The following ZNF536 variants were observed in gnomAD, a reference collection of about 807,000 sequenced individuals.
The protein encoded by ZNF536 is zinc finger protein 536.
A neutral mutation model predicts 84.5 loss-of-function variants in ZNF536; 13 were observed. That is an observed-to-expected ratio of 0.15 (90% CI 0.10 to 0.24). The LOEUF is 0.24. Among genes scored for constraint, ZNF536 ranks in the 10% least tolerant of loss-of-function variants. ZNF536 has a pLI of 1.00. For missense variants in ZNF536, 1,536 were observed against 1,747.5 expected (o/e 0.88, Z 2.16); for synonymous variants, 811 against 742.5 (o/e 1.09, Z -1.50).
chr19:30,661,929 A>T (rs906786656), intron 1 of ZNF536, among the ~76,000 whole-genome samples: 7 of 152,180 alleles, frequency 4.6e-5, no homozygotes, highest in Admixed American at 4.6e-4. Context: ...AGATATGGAG[A>T]TGGTGGGAGA....
At chr19:30,429,923 T>C (rs562961680) in intron 1 of ZNF536, among the ~76,000 whole-genome samples, 2 of 152,152 alleles carry the variant, frequency 1.3e-5, no homozygotes, top group East Asian at 1.9e-4. Flanking sequence ...CTGCAAAGCA[T>C]TGGGTTTCAG....
At chr19:30,368,143 A>G (rs2146980086), upstream of ZNF536, among the ~76,000 whole-genome samples, 1 of 152,234 alleles carries the variant, frequency 6.6e-6, no homozygotes, top group South Asian at 2.1e-4. Context: ...GAAGAAGCAT[A>G]TACTCCCCCA....
intron 1 of ZNF536, among the ~76,000 whole-genome samples, chr19:30,416,176 C>T (rs1415238487): frequency 8.6e-5 from 13 of 151,948 alleles, no homozygotes; most frequent in Admixed American, 8.5e-4. Flanking sequence ...TTGTCTTTTC[C>T]TTCTCTGATG....
intron 1 of ZNF536, among the ~76,000 whole-genome samples, chr19:30,598,928 TCTCC>T (rs1352152418): frequency 1.9e-4 from 27 of 141,894 alleles, no homozygotes; most frequent in African/African-American, 5.4e-4. Flanking sequence ...TTCTTCCCTT[TCTCC>T]CTCCCTCCCT....
chr19:30,452,407 A>T (rs1435423691), intron 2 of ZNF536, among the ~76,000 whole-genome samples: 1 of 152,210 alleles, frequency 6.6e-6, no homozygotes, highest in Non-Finnish European at 1.5e-5. Flanking sequence ...TCTACATCTC[A>T]GTGCATTTCC....
intron 1 of ZNF536, among the ~76,000 whole-genome samples, chr19:30,617,477 A>T (rs1337865640): frequency 6.7e-6 from 1 of 149,636 alleles, no homozygotes; most frequent in Non-Finnish European, 1.5e-5. Flanking sequence ...CAGCCTCCCA[A>T]GTAACTGGGA....
chr19:30,616,108 A>G (rs1252624776), intron 1 of ZNF536, among the ~76,000 whole-genome samples: 3 of 152,130 alleles, frequency 2.0e-5, no homozygotes, highest in Non-Finnish European at 2.9e-5. Context: ...TCTGGTATGG[A>G]GTCATATCTT....
chr19:30,650,308 T>G (rs541051923), intron 1 of ZNF536, among the ~76,000 whole-genome samples: 63 of 152,290 alleles, frequency 4.1e-4, no homozygotes, highest in African/African-American at 1.4e-3. Flanking sequence ...AGAGTAGTCA[T>G]TGAATCAGAT....
intron 1 of ZNF536, among the ~76,000 whole-genome samples, chr19:30,693,601 G>C (rs1157932195): frequency 6.6e-6 from 1 of 151,690 alleles, no homozygotes; most frequent in Non-Finnish European, 1.5e-5. Context: ...AAAAAAGAAA[G>C]ACACCTCTCT....
chr19:30,702,521 G>C (rs1348978061), intron 1 of ZNF536, among the ~76,000 whole-genome samples: 1 of 152,178 alleles, frequency 6.6e-6, no homozygotes, highest in East Asian at 1.9e-4. Context: ...AAGATAGATG[G>C]GGATTGGGAA....
intron 1 of ZNF536, among the ~76,000 whole-genome samples, chr19:30,645,922 G>T (rs984943179): frequency 3.9e-5 from 6 of 152,104 alleles, no homozygotes; most frequent in African/African-American, 1.4e-4. Flanking sequence ...TTTTGGGAAA[G>T]TTCGCCATGC....
chr19:30,426,731 A>G (rs1433073), intron 1 of ZNF536, among the ~76,000 whole-genome samples: 92,227 of 152,078 alleles, frequency 0.61, 28,915 homozygotes, highest in African/African-American at 0.69. Flanking sequence ...TATACACAGG[A>G]CATGATGTAA....
chr19:30,426,778 C>T (rs575832940), intron 1 of ZNF536, among the ~76,000 whole-genome samples: 40 of 152,130 alleles, frequency 2.6e-4, no homozygotes, highest in East Asian at 1.9e-4. Context: ...GAGAGGTGAG[C>T]GTGGGGCCCG....
intron 2 of ZNF536, among the ~76,000 whole-genome samples, chr19:30,329,542 A>T (rs756241604): frequency 6.6e-6 from 1 of 152,166 alleles, no homozygotes; most frequent in Non-Finnish European, 1.5e-5. Context: ...TGCAACAGCC[A>T]TGAAAGTGAT....
chr19:30,269,930 AG>A (rs1164262804), intron 1 of ZNF536, among the ~76,000 whole-genome samples: 1 of 152,136 alleles, frequency 6.6e-6, no homozygotes, highest in African/African-American at 2.4e-5. Flanking sequence ...ATTTTTCCAC[AG>A]TCGTTACTGG....
At chr19:30,528,532 C>T (rs1465105911) in intron 2 of ZNF536, among the ~76,000 whole-genome samples, 1 of 152,196 alleles carries the variant, frequency 6.6e-6, no homozygotes, top group African/African-American at 2.4e-5. Flanking sequence ...CTACCCCCAA[C>T]ATCTCTATGG....
intron 2 of ZNF536, among the ~76,000 whole-genome samples, chr19:30,286,951 A>G (rs745375556): frequency 6.6e-6 from 1 of 152,196 alleles, no homozygotes; most frequent in Non-Finnish European, 1.5e-5. Flanking sequence ...ACAGCAAATG[A>G]GGAAATGGCT....
At chr19:30,243,486 T>C (rs928417433) in intron 1 of ZNF536, among the ~76,000 whole-genome samples, 1 of 152,226 alleles carries the variant, frequency 6.6e-6, no homozygotes, top group African/African-American at 2.4e-5. Flanking sequence ...TATTTTATTT[T>C]AGTCTCTATC....
intron 2 of ZNF536, among the ~76,000 whole-genome samples, chr19:30,302,529 C>A (rs551136071): frequency 6.6e-5 from 10 of 152,096 alleles, no homozygotes; most frequent in Non-Finnish European, 1.5e-4. Context: ...TGGGTCCATG[C>A]GGCCACTGAA....
Sources: gnomAD v4.1 joint callset for allele counts (sites outside exome capture counted in the v4.1 genomes callset) on GRCh38, gnomAD v4.1.1 for gene constraint, MANE v1.5 for transcripts, NCBI Gene and HGNC (gene_info 2026-07-23, HGNC 2026-07-21) for gene names.